The following PPP3CA variants were observed in gnomAD, a reference collection of about 807,000 sequenced individuals.
The protein encoded by PPP3CA is protein phosphatase 3 catalytic subunit alpha.
In PPP3CA, 14 loss-of-function variants were observed where a neutral mutation model predicts 66.5. That is an observed-to-expected ratio of 0.21 (90% confidence interval 0.14 to 0.33). The LOEUF is 0.33. Ranked by LOEUF, PPP3CA falls within the 10% of genes least tolerant of loss-of-function variation. PPP3CA has a pLI of 1.00. For synonymous variants in PPP3CA, 232 were observed against 226.2 expected (o/e 1.03, Z -0.23); for missense variants, 317 against 639.5 (o/e 0.50, Z 5.44).
intron 2 of PPP3CA, among the ~76,000 whole-genome samples, chr4:101,179,531 G>GTAA (rs1381651902): frequency 6.6e-6 from 1 of 152,038 alleles, no homozygotes; most frequent in Admixed American, 6.6e-5. Flanking sequence ...GGGGACTTGT[G>GTAA]TAATGGTTGG....
Position 101,069,959 on chromosome 4 carries a change from G to A in PPP3CA, c.956-6602C>T, listed in dbSNP as rs991626331. Among the ~76,000 whole-genome samples, 6 of 152,272 alleles carry A rather than the reference G, an allele frequency of 3.9e-5. 1 individual carries two copies. Among genetic ancestry groups the A allele is most frequent in the Admixed American group, 3.3e-4 (5 of 15,268 alleles). ...TCTGAGCAACAGTAGGCTATTAGTA[G>A]TTAAGTTTTTGATGAATCAAAAGTT... On this transcript the variant is annotated intron_variant, in intron 8 of 13. Coordinates refer to ENST00000394854, the MANE Select transcript of PPP3CA (RefSeq NM_000944.5).
intron 8 of PPP3CA, among the ~76,000 whole-genome samples, chr4:101,064,494 T>C (rs1728600126): frequency 6.6e-6 from 1 of 151,980 alleles, no homozygotes; most frequent in Non-Finnish European, 1.5e-5. Flanking sequence ...AACCAACAGA[T>C]TTTATATGAT....
chr4:101,052,180 T>G (rs889289526), intron 10 of PPP3CA, among the ~76,000 whole-genome samples: 3 of 152,068 alleles, frequency 2.0e-5, no homozygotes, highest in Non-Finnish European at 2.9e-5. Context: ...CCATTTTAAT[T>G]GCTAAATTAA....
intron 1 of PPP3CA, among the ~76,000 whole-genome samples, chr4:101,247,189 A>T (rs1227368292): frequency 1.3e-5 from 2 of 148,940 alleles, no homozygotes; most frequent in African/African-American, 2.5e-5. Flanking sequence ...TTTTAGATGG[A>T]GTCTCACTGT....
At position 101,082,110 on chromosome 4, in the gene PPP3CA, C is replaced by T. The variant is rs183313267; in HGVS notation, c.860+1076G>A. ...AATCTGCCAAAAATGGGCAGTCAGC[C>T]GACTGGAACACAGCCAAAATAGCAT... On this transcript the variant is annotated intron_variant, in intron 7 of 13. Coordinates refer to ENST00000394854, the MANE Select transcript of PPP3CA (RefSeq NM_000944.5). Among the ~76,000 whole-genome samples, 25 of 152,202 alleles carry T rather than the reference C, an allele frequency of 1.6e-4. No homozygotes were observed. In the South Asian group the frequency reaches 2.3e-3, roughly 14 times the overall value.
intron 1 of PPP3CA, among the ~76,000 whole-genome samples, chr4:101,265,450 T>C (rs1313900712): frequency 6.6e-6 from 1 of 152,082 alleles, no homozygotes; most frequent in African/African-American, 2.4e-5. Context: ...GAGTTTTTCT[T>C]AGTAAATTGA....
chr4:101,104,877 G>A (rs1037952785), intron 3 of PPP3CA, among the ~76,000 whole-genome samples: 1 of 152,000 alleles, frequency 6.6e-6, no homozygotes, highest in African/African-American at 2.4e-5. Flanking sequence ...TATGTATGTG[G>A]CAAGTCCCTG....
chr4:101,148,318 T>C (rs1255732589), intron 2 of PPP3CA, among the ~76,000 whole-genome samples: 1 of 152,158 alleles, frequency 6.6e-6, no homozygotes, highest in Non-Finnish European at 1.5e-5. Flanking sequence ...GTATTCCCAT[T>C]AAAATTTGTG....
intron 2 of PPP3CA, among the ~76,000 whole-genome samples, chr4:101,114,994 T>C (rs569903525): frequency 1.1e-4 from 17 of 152,108 alleles, no homozygotes; most frequent in African/African-American, 3.9e-4. Context: ...TGTGTGTGTA[T>C]AAAGCCACCC....
intron 2 of PPP3CA, among the ~76,000 whole-genome samples, chr4:101,148,608 A>G (rs1307596516): frequency 1.3e-5 from 2 of 152,166 alleles, no homozygotes; most frequent in Non-Finnish European, 2.9e-5. Context: ...CGATCGAATT[A>G]GCATATATAT....
chr4:101,079,472 G>A (rs926485228), intron 8 of PPP3CA, among the ~76,000 whole-genome samples: 5 of 150,354 alleles, frequency 3.3e-5, no homozygotes, highest in East Asian at 2.0e-4. Flanking sequence ...TCCGCCTCCC[G>A]GGTTCACGCC....
At chr4:101,345,645 T>C (rs1446990305) in intron 1 of PPP3CA, among the ~76,000 whole-genome samples, 1 of 152,146 alleles carries the variant, frequency 6.6e-6, no homozygotes, top group African/African-American at 2.4e-5. Flanking sequence ...CATAGGATGG[T>C]TCCTCCCCCA....
chr4:101,317,192 A>G (rs1281981544), intron 1 of PPP3CA, among the ~76,000 whole-genome samples: 1 of 151,192 alleles, frequency 6.6e-6, no homozygotes, highest in Non-Finnish European at 1.5e-5. Flanking sequence ...GCAAAAGAAA[A>G]CCAGACCATT....
chr4:101,177,219 A>G (rs1023886439), intron 2 of PPP3CA, among the ~76,000 whole-genome samples: 1 of 152,176 alleles, frequency 6.6e-6, no homozygotes, highest in African/African-American at 2.4e-5. Flanking sequence ...TCTTACTTTG[A>G]CACAGAGGTG....
At chr4:101,176,188 T>C (rs189532673) in intron 2 of PPP3CA, among the ~76,000 whole-genome samples, 201 of 152,250 alleles carry the variant, frequency 1.3e-3, no homozygotes, top group Admixed American at 2.8e-3. Context: ...TAAAGGTCAG[T>C]AGGAAAAGGT....
intron 1 of PPP3CA, among the ~76,000 whole-genome samples, chr4:101,197,057 T>C (rs190584436): frequency 1.4e-4 from 22 of 152,338 alleles, no homozygotes; most frequent in African/African-American, 5.0e-4. Flanking sequence ...TGATGGTTCA[T>C]TCACTGGACA....
At chr4:101,316,512 T>C (rs1287480340) in intron 1 of PPP3CA, among the ~76,000 whole-genome samples, 1 of 152,126 alleles carries the variant, frequency 6.6e-6, no homozygotes, top group African/African-American at 2.4e-5. Context: ...AATACTAATG[T>C]TTTCCCAAGG....
chr4:101,165,625 T>G (rs1345609544), intron 2 of PPP3CA, among the ~76,000 whole-genome samples: 7 of 152,174 alleles, frequency 4.6e-5, no homozygotes, highest in Non-Finnish European at 8.8e-5. Flanking sequence ...AAGTAGTTGT[T>G]CAAATATTAT....
At chr4:101,097,756 C>T (rs1294569738) in intron 5 of PPP3CA, among the ~76,000 whole-genome samples, 1 of 152,138 alleles carries the variant, frequency 6.6e-6, no homozygotes, top group Non-Finnish European at 1.5e-5. Flanking sequence ...CAATCCACTT[C>T]CACATTCAAT....
Sources: gnomAD v4.1 joint callset for allele counts (sites outside exome capture counted in the v4.1 genomes callset) on GRCh38, gnomAD v4.1.1 for gene constraint, MANE v1.5 for transcripts, NCBI Gene and HGNC (gene_info 2026-07-23, HGNC 2026-07-21) for gene names.